NFAT5: variants seen among roughly 807,000 people sequenced by gnomAD.
The protein encoded by NFAT5 is nuclear factor of activated T cells 5, also known as nuclear factor of activated T-cells 5.
Under a neutral mutation model 166.5 loss-of-function variants are expected in NFAT5, and 31 were observed. That is an observed-to-expected ratio of 0.19 (90% CI 0.14 to 0.25). NFAT5 has a LOEUF of 0.25. NFAT5 is among the 10% of genes least tolerant of loss of function. NFAT5 has a pLI of 1.00. For missense variants in NFAT5, 1,449 were observed against 1,821.8 expected, an observed-to-expected ratio of 0.80 and a Z score of 3.72; for synonymous variants, 612 against 639.7, an observed-to-expected ratio of 0.96 and a Z score of 0.65.
At chr16:69,624,513 A>G (rs1262084187) in intron 2 of NFAT5, among the ~76,000 whole-genome samples, 4 of 152,188 alleles carry the variant, frequency 2.6e-5, no homozygotes, top group Admixed American at 6.5e-5. Context: ...CCCAGGTAAC[A>G]GCATTTTTCA....
intron 2 of NFAT5, among the ~76,000 whole-genome samples, chr16:69,614,150 TTCTC>T (rs1033914418): frequency 2.0e-5 from 3 of 152,110 alleles, no homozygotes; most frequent in African/African-American, 7.2e-5. Flanking sequence ...TTTCTTCTCT[TTCTC>T]TCTTTTTTTT....
At position 69,588,980 on chromosome 16, in the gene NFAT5, C is replaced by CTTTTTTTTTTTTTTTTTTTTTTT. The variant is rs945918292; in HGVS notation, c.127+20441_127+20463dup. Among the ~76,000 whole-genome samples the CTTTTTTTTTTTTTTTTTTTTTTT allele has an allele frequency of 8.7e-5, 3 of 34,368 alleles. 1 individual carries two copies. 22.5% of individuals were successfully genotyped at this position (34,368 alleles called of 152,430 possible). A position where few individuals can be genotyped will look rare whatever the true frequency, so the allele number is the denominator to read the frequency against. On this transcript the variant is annotated intron_variant, in intron 2 of 14. Transcript: ENST00000349945. ...GACCCTCCCTCCTCTTTTCCTACTT[C>CTTTTTTTTTTTTTTTTTTTTTTT]TTTTTTTTTTTTTTTTTTTTTTTTT...
chr16:69,642,602 C>G (rs1336554958), intron 3 of NFAT5, among the ~76,000 whole-genome samples: 2 of 152,090 alleles, frequency 1.3e-5, no homozygotes, highest in East Asian at 3.9e-4. Context: ...GGGCAGAACA[C>G]AAGGTCAGGA....
intron 3 of NFAT5, among the ~76,000 whole-genome samples, chr16:69,641,533 A>G (rs2035214572): frequency 6.6e-6 from 1 of 152,116 alleles, no homozygotes; most frequent in Non-Finnish European, 1.5e-5. Context: ...GAAATTAAAT[A>G]TCATTTCTGT....
chr16:69,642,638 G>A (rs929123104), intron 3 of NFAT5, among the ~76,000 whole-genome samples: 1 of 151,784 alleles, frequency 6.6e-6, no homozygotes, highest in Non-Finnish European at 1.5e-5. Context: ...GGCCAGTATG[G>A]TGAAACTATC....
Position 69,691,088 on chromosome 16 carries a change from G to T in NFAT5, c.1923G>T (p.Lys641Asn). 1 of 1,591,866 alleles carries T rather than the reference G, an allele frequency of 6.3e-7. No homozygotes were observed. The highest frequency in any genetic ancestry group is 1.2e-5 in the South Asian group (1 of 85,278). ...AAAAAAGATCTTCCACTATTTTTAA[G>T]GTAAGCTGTATTGACTAGTGCACAA... ...TAEKRSSTIF[K>N]TTKSVGSTQQ... Residue 641 changes from lysine to asparagine, a missense_variant and splice_region_variant, in exon 12 of 15, where the codon AAG becomes AAT. By Grantham distance (94) the Lys-to-Asn change is moderately conservative. This residue lies in a region of NFAT5 where 245 missense variants were observed against 366.6 expected (regional missense o/e 0.67). Transcript: ENST00000349945.
intron 2 of NFAT5, among the ~76,000 whole-genome samples, chr16:69,611,570 G>A (rs578110026): frequency 6.6e-6 from 1 of 152,342 alleles, no homozygotes; most frequent in East Asian, 1.9e-4. Flanking sequence ...AGTCTGGGGA[G>A]TCCAGGATAA....
chr16:69,646,966 A>C, intron 3 of NFAT5, 62 bp from the exon 4 acceptor site: 2 of 1,317,168 alleles, frequency 1.5e-6, no homozygotes, highest in Non-Finnish European at 2.1e-6. Flanking sequence ...TTTCAATGGG[A>C]CTGCTAGCCA....
chr16:69,692,575 A>T lies in NFAT5; in HGVS notation c.2750A>T (p.Glu917Val). 6.2e-7 allele frequency: 1 copy of T among 1,614,216 alleles called. No homozygotes were observed. The highest frequency in any genetic ancestry group is 1.1e-5 in the South Asian group (1 of 91,078). ...VMESSAAMVMEMQQSICQAAA... is the reference protein window; with the variant it reads ...VMESSAAMVMVMQQSICQAAA... Reference sequence around the variant, plus strand: ...GAATCTTCAGCCGCAATGGTGATGGAGATGCAACAGAGTATCTGCCAGGCA... The same window carrying T: ...GAATCTTCAGCCGCAATGGTGATGGTGATGCAACAGAGTATCTGCCAGGCA... The change falls in exon 13 of 15, where the codon GAG becomes GTG. Residue 917 changes from glutamate (E) to valine (V), a missense_variant. Glu to Val is a moderately radical substitution (Grantham distance 121). This residue lies in a region of NFAT5 where 891 missense variants were observed against 993.0 expected (regional missense o/e 0.90). Coordinates refer to ENST00000349945, the MANE Select transcript of NFAT5 (RefSeq NM_138713.4).
intron 2 of NFAT5, among the ~76,000 whole-genome samples, chr16:69,581,552 A>T (rs1194440943): frequency 1.3e-5 from 2 of 151,944 alleles, no homozygotes; most frequent in East Asian, 3.9e-4. Context: ...CCATTTTTTC[A>T]TTTTTACCAG....
At chr16:69,634,649 C>T (rs9921652) in intron 3 of NFAT5, among the ~76,000 whole-genome samples, 14,033 of 152,100 alleles carry the variant, frequency 0.092, 894 homozygotes, top group East Asian at 0.34. Flanking sequence ...AATGAGAAAG[C>T]ACCTCAAAGT....
At chr16:69,592,982 A>AT (rs1395834442) in intron 2 of NFAT5, among the ~76,000 whole-genome samples, 9 of 151,802 alleles carry the variant, frequency 5.9e-5, no homozygotes, top group Admixed American at 2.0e-4. Context: ...TGGGAATTTT[A>AT]TTTTTTTTGT....
intron 3 of NFAT5, among the ~76,000 whole-genome samples, chr16:69,639,721 T>C (rs1003709455): frequency 3.3e-5 from 5 of 151,854 alleles, no homozygotes; most frequent in Admixed American, 6.5e-5. Flanking sequence ...TGCTAAAATA[T>C]AGGTTTTTTT....
In NFAT5 at chr16:69,659,769, C is replaced by A; in HGVS notation, c.1239C>A (p.Val413=). The change falls in exon 7 of 15, where the codon GTC becomes GTA. Residue 413 remains valine, a synonymous_variant. Transcript: ENST00000349945. The part of the protein sequence containing the change: ...VGILKLRNAD[V]EARIGIAGSK... ...TATTGAAATTGAGGAATGCTGATGT[C>A]GAAGCCAGAATAGGAATTGCTGGTT... 1 of 1,613,686 alleles carries A rather than the reference C, an allele frequency of 6.2e-7. No individual in the cohort carries two copies. The highest frequency in any genetic ancestry group is 8.5e-7 in the Non-Finnish European group (1 of 1,179,842).
At chr16:69,684,255 CAA>C (rs558716074) in intron 10 of NFAT5, among the ~76,000 whole-genome samples, 33,328 of 84,266 alleles carry the variant, frequency 0.4, 5,558 homozygotes, top group East Asian at 0.74. Context: ...GAGACTGCCT[CAA>C]AAAAAAAAAA....
At chr16:69,609,150 C>T (rs545439489) in intron 2 of NFAT5, among the ~76,000 whole-genome samples, 2 of 151,932 alleles carry the variant, frequency 1.3e-5, no homozygotes, top group South Asian at 4.2e-4. Context: ...AGGTAATCTG[C>T]AGAAGAAGGT....
intron 10 of NFAT5, among the ~76,000 whole-genome samples, chr16:69,684,516 C>T (rs545304211): frequency 4.0e-4 from 60 of 151,612 alleles, no homozygotes; most frequent in African/African-American, 1.2e-3. Flanking sequence ...GCCGAGATCA[C>T]GCCACTGCAC....
intron 7 of NFAT5, among the ~76,000 whole-genome samples, chr16:69,664,302 T>A (rs1286655586): frequency 2.0e-5 from 3 of 152,216 alleles, no homozygotes; most frequent in African/African-American, 4.8e-5. Context: ...TTATTTATTT[T>A]TTGAGACGGA....
chr16:69,692,802 G>T lies in NFAT5; in HGVS notation c.2977G>T (p.Ala993Ser), dbSNP rs1365046065. ...TTCTACAACTACCACACAGCAGGTT[G>T]CAACCCCTGGCACTACCATGTTTCA... ...ETSTTTTQQV[A>S]TPGTTMFQTS... Residue 993 changes from alanine (A) to serine (S), a missense_variant, in exon 13 of 15, where the codon GCA (alanine) becomes TCA (serine). Coordinates refer to ENST00000349945, the MANE Select transcript of NFAT5 (RefSeq NM_138713.4). 1 of 1,614,104 alleles carries T rather than the reference G, an allele frequency of 6.2e-7. No homozygotes were observed. The highest frequency in any genetic ancestry group is 8.5e-7 in the Non-Finnish European group (1 of 1,180,048).
Sources: allele counts gnomAD v4.1 joint callset (sites outside exome capture counted in the v4.1 genomes callset), GRCh38; gene constraint gnomAD v4.1.1; regional missense constraint gnomAD v4.1.1; transcripts MANE v1.5; gene names NCBI Gene and HGNC (gene_info 2026-07-23, HGNC 2026-07-21).